The following ESPNL variants were observed in gnomAD, a reference collection of about 807,000 sequenced individuals.
ESPNL encodes espin-like protein.
Under a neutral mutation model 46.8 loss-of-function variants are expected in ESPNL, and 49 were observed. The observed-to-expected ratio is 1.05, with a 90% CI of 0.83 to 1.33. The LOEUF is 1.33. Among genes scored for constraint, ESPNL ranks in the 40% most tolerant of loss-of-function variants. ESPNL has a pLI of 0.00. For missense variants in ESPNL, 1,540 were observed against 1,436.6 expected (o/e 1.07, Z -1.16); for synonymous variants, 664 against 662.1 (o/e 1.00, Z -0.04).
rs148156515 is a variant in ESPNL at position 238,114,287 on chromosome 2, G to A, written c.856-2616G>A. On this transcript the variant is annotated intron_variant, in intron 4 of 8. Transcript: ENST00000343063. This position sits in a 1 kb window ranked among gnomAD's most constrained non-coding sequence, Gnocchi z 5.0. ...TTGCCCTCTCTCCCCAGCACCATTT[G>A]GGGCCAGGTCTGACACTTGTCCCCC... 1.1e-3 allele frequency among the ~76,000 whole-genome samples: 163 copies of A among 152,078 alleles called. 2 individuals are homozygous for A. In the East Asian group the frequency reaches 0.028, roughly 26 times the overall value.
rs1383051504 is a variant in ESPNL at position 238,102,089 on chromosome 2, G to A, written c.443G>A (p.Gly148Glu). Residue 148 changes from glycine (G) to glutamate (E), a missense_variant, in exon 2 of 9, where the codon GGG becomes GAG. By Grantham distance (98) the Gly-to-Glu change is moderately conservative. Transcript: ENST00000343063. Reference protein sequence around the residue: ...ARPLHHAAVSGDLTCLKLLTA... With the variant: ...ARPLHHAAVSEDLTCLKLLTA... The stretch of plus-strand genomic sequence containing the variant: ...CCGCTGCACCACGCTGCCGTCAGTG[G>A]GGACCTGACCTGCCTCAAGCTCCTG... 2.5e-6 allele frequency: 4 copies of A among 1,575,030 alleles called. No individual in the cohort carries two copies. Among genetic ancestry groups the A allele is most frequent in the Non-Finnish European group, 2.6e-6 (3 of 1,162,468 alleles).
intron 3 of ESPNL, 132 bp from the exon 4 acceptor site, chr2:238,107,659 G>C: frequency 1.1e-6 from 1 of 929,644 alleles, no homozygotes; most frequent in South Asian, 1.8e-5. Flanking sequence ...CCTGTCCGGG[G>C]TTTCCTGAGG....
chr2:238,124,372 G>A (rs940199934), intron 5 of ESPNL, among the ~76,000 whole-genome samples: 2 of 152,162 alleles, frequency 1.3e-5, no homozygotes, highest in African/African-American at 2.4e-5. Flanking sequence ...CCATGCCCTC[G>A]GCTGGTGGGC....
In ESPNL at chr2:238,130,162, C is replaced by A. The variant is rs570258039; in HGVS notation, c.1448C>A (p.Ala483Glu). 4 of 1,612,420 alleles carry A rather than the reference C, an allele frequency of 2.5e-6. No individual in the cohort carries two copies. Among genetic ancestry groups the A allele is most frequent in the South Asian group, 1.1e-5 (1 of 91,046 alleles). ...NGGSSGPTEQ[A>E]AWRYSQTHQA... ...GGGAGCTCAGGCCCCACGGAGCAGG[C>A]GGCCTGGAGGTACTCACAGACTCAT... The change falls in exon 9 of 9, where the codon GCG becomes GAG. Residue 483 changes from alanine (A) to glutamate (E), a missense_variant. Ala to Glu is a moderately radical substitution (Grantham distance 107). Transcript: ENST00000343063.
intron 4 of ESPNL, among the ~76,000 whole-genome samples, chr2:238,115,974 G>A (rs1691807011): frequency 6.6e-6 from 1 of 152,234 alleles, no homozygotes; most frequent in African/African-American, 2.4e-5. Context: ...GCCCGGCCAA[G>A]GGTCTCACAA....
chr2:238,128,109 C>T (rs914450661), intron 7 of ESPNL, among the ~76,000 whole-genome samples: 1 of 152,238 alleles, frequency 6.6e-6, no homozygotes, highest in Admixed American at 6.5e-5. Context: ...CTCCTCAGGG[C>T]CTCGGCCAGC....
chr2:238,104,802 C>T lies in ESPNL; in HGVS notation c.632C>T (p.Ala211Val). The stretch of plus-strand genomic sequence containing the variant: ...CTCGATGGCATGAGCGCCCTGCACG[C>T]TGCCGCCGCCCGTGGCCACTACTCC... ...RALDGMSALH[A>V]AAARGHYSLV... The change falls in exon 3 of 9, where the codon GCT (alanine) becomes GTT (valine). Residue 211 changes from alanine to valine, a missense_variant. Physicochemically the swap from Ala to Val is moderately conservative, Grantham distance 64. Transcript: ENST00000343063. 1 of 1,563,338 alleles carries T rather than the reference C, an allele frequency of 6.4e-7. No individual in the cohort carries two copies. The highest frequency in any genetic ancestry group is 8.6e-7 in the Non-Finnish European group (1 of 1,156,598).
chr2:238,111,435 T>C (rs1210042720), intron 4 of ESPNL, among the ~76,000 whole-genome samples: 3 of 152,186 alleles, frequency 2.0e-5, no homozygotes, highest in African/African-American at 7.2e-5. Flanking sequence ...CAGACAGCAA[T>C]TCTCCGTCTC....
chr2:238,130,437 G>A lies in ESPNL; in HGVS notation c.1723G>A (p.Gly575Arg). Residue 575 changes from glycine (G) to arginine (R), a missense_variant, in exon 9 of 9, where the codon GGG becomes AGG. Coordinates refer to ENST00000343063, the MANE Select transcript of ESPNL (RefSeq NM_194312.4). Reference protein sequence around the residue: ...EASIPAAEPAGSAEASEVAPG... With the variant: ...EASIPAAEPARSAEASEVAPG... ...CTCAATCCCAGCGGCTGAGCCCGCA[G>A]GGTCTGCGGAGGCCTCAGAGGTGGC... 1 of 1,605,878 alleles carries A rather than the reference G, an allele frequency of 6.2e-7. No individual in the cohort carries two copies. The highest frequency in any genetic ancestry group is 8.5e-7 in the Non-Finnish European group (1 of 1,177,110).
At chr2:238,108,528 G>A (rs1190670794) in intron 4 of ESPNL, among the ~76,000 whole-genome samples, 1 of 152,148 alleles carries the variant, frequency 6.6e-6, no homozygotes, top group East Asian at 1.9e-4. Context: ...CTCATCTAAA[G>A]GCAAGGCCCC....
At chr2:238,107,708 T>G (rs1691626713) in intron 3 of ESPNL, 83 bp from the exon 4 acceptor site, 21 of 1,374,984 alleles carry the variant, frequency 1.5e-5, no homozygotes, top group Non-Finnish European at 2.1e-5. Context: ...CAGAGTCCAC[T>G]TTCACTTCTG....
intron 5 of ESPNL, among the ~76,000 whole-genome samples, chr2:238,122,177 C>T (rs1692002362): frequency 6.6e-6 from 1 of 152,228 alleles, no homozygotes; most frequent in South Asian, 2.1e-4. Context: ...ATGTTAAGAC[C>T]CCAACGGACA....
intron 6 of ESPNL, among the ~76,000 whole-genome samples, chr2:238,127,036 CTG>C (rs751043335): frequency 4.0e-4 from 58 of 146,066 alleles, no homozygotes; most frequent in Admixed American, 1.8e-3. Context: ...TGTGTCTGTT[CTG>C]TGTGTGTTTC....
chr2:238,118,871 G>A (rs111209879), intron 5 of ESPNL, among the ~76,000 whole-genome samples: 8,889 of 141,088 alleles, frequency 0.063, 669 homozygotes, highest in East Asian at 0.19. Flanking sequence ...GAGGACGGAT[G>A]GAGGAGAAAT....
rs772847700 is a variant in ESPNL, at chr2:238,128,946, C to T, written c.1413+42C>T. On this transcript the variant is annotated intron_variant, in intron 8 of 8. Transcript: ENST00000343063. ...GGCGGGACCAGTGGGCGGGGCGGGG[C>T]CTTTTCCAGGTAGGTGGAAGTGGAA... 402 of 1,509,790 alleles carry T rather than the reference C, an allele frequency of 2.7e-4. No homozygotes were observed. In the Middle Eastern group the frequency reaches 2.8e-3, roughly 11 times the overall value. 93.5% of individuals were successfully genotyped at this position (1,509,790 alleles called of 1,614,324 possible). A position where few individuals can be genotyped will look rare whatever the true frequency, so the allele number is the denominator to read the frequency against.
intron 5 of ESPNL, among the ~76,000 whole-genome samples, chr2:238,117,670 C>G (rs1691846574): frequency 6.6e-6 from 1 of 152,254 alleles, no homozygotes; most frequent in African/African-American, 2.4e-5. Flanking sequence ...CGGATCTTGT[C>G]TATCCCACTG....
chr2:238,127,362 G>A (rs1692162188), intron 6 of ESPNL: 9 of 1,273,126 alleles, frequency 7.1e-6, no homozygotes, highest in Non-Finnish European at 8.9e-6. Flanking sequence ...CTCCTCCCCT[G>A]CTGCAGGAGG....
rs1230693798 is a variant in ESPNL, at chr2:238,126,843, CTG to C, written c.1103-772_1103-771del. Among the ~76,000 whole-genome samples, 12 of 146,642 alleles carry C rather than the reference CTG, an allele frequency of 8.2e-5. No homozygotes were observed. The East Asian group carries it at 1.7e-3, about 21-fold the overall frequency. ...TGTGTTTCTCTGTGTGTGACTGTATCTGTGTGTGATTGTGTCTGCGTGTGTGA... is the reference window on the plus strand; with the variant it reads ...TGTGTTTCTCTGTGTGTGACTGTATCTGTGTGATTGTGTCTGCGTGTGTGA... On this transcript the variant is annotated intron_variant, in intron 6 of 8. Transcript: ENST00000343063.
chr2:238,114,413 C>T lies in ESPNL; in HGVS notation c.856-2490C>T, dbSNP rs762427896. Among the ~76,000 whole-genome samples the T allele has an allele frequency of 3.3e-5, 5 of 152,144 alleles. No homozygotes were observed. The highest frequency in any genetic ancestry group is 2.1e-4 in the South Asian group (1 of 4,822). On this transcript the variant is annotated intron_variant, in intron 4 of 8. Coordinates refer to ENST00000343063, the MANE Select transcript of ESPNL (RefSeq NM_194312.4). This position sits in a 1 kb window ranked among gnomAD's most constrained non-coding sequence, Gnocchi z 5.0. ...CAGCAACAGCTCCTTGGGGACGCTCCGCCTCCACCCACCCACACACCCACC... is the reference window on the plus strand; with the variant it reads ...CAGCAACAGCTCCTTGGGGACGCTCTGCCTCCACCCACCCACACACCCACC...
Sources: allele counts gnomAD v4.1 joint callset (sites outside exome capture counted in the v4.1 genomes callset), GRCh38; gene constraint gnomAD v4.1.1; non-coding constraint Gnocchi (gnomAD v3.1); transcripts MANE v1.5; gene names NCBI Gene and HGNC (gene_info 2026-07-23, HGNC 2026-07-21).